Variants in WDFY4 observed in about 807,000 individuals in gnomAD.
WDFY4 encodes the protein WDFY family member 4.
WDFY4 carries 169 observed loss-of-function variants against 351.9 expected under a neutral mutation model. The observed-to-expected ratio is 0.48, with a 90% CI of 0.42 to 0.55. The LOEUF (loss-of-function observed/expected upper bound fraction) is 0.55, where lower values mean the gene tolerates loss of function less well. Among genes scored for constraint, WDFY4 ranks in the 20% least tolerant of loss-of-function variants. The pLI is 0.00. For missense variants in WDFY4, 3,803 were observed against 3,935.6 expected (o/e 0.97, Z 0.90); for synonymous variants, 1,622 against 1,574.6 (o/e 1.03, Z -0.71).
chr10:48,910,346 A>C, intron 47 of WDFY4: 1 of 1,163,114 alleles, frequency 8.6e-7, no homozygotes, highest in South Asian at 1.2e-5. Flanking sequence ...CAGCTCACCA[A>C]GGTCATGCCT....
intron 2 of WDFY4, among the ~76,000 whole-genome samples, chr10:48,716,755 A>C (rs191333141): frequency 2.0e-5 from 3 of 152,192 alleles, no homozygotes; most frequent in African/African-American, 7.2e-5. Flanking sequence ...GACGATATAG[A>C]TGCTTCTGAG....
At chr10:48,724,972 A>G (rs538254781) in intron 5 of WDFY4, among the ~76,000 whole-genome samples, 15 of 152,284 alleles carry the variant, frequency 9.9e-5, no homozygotes, top group African/African-American at 3.6e-4. Flanking sequence ...AGTGGAGTCT[A>G]TTCTGAGGGC....
intron 53 of WDFY4, among the ~76,000 whole-genome samples, chr10:48,963,369 G>A (rs1841944056): frequency 6.6e-6 from 1 of 152,190 alleles, no homozygotes; most frequent in Non-Finnish European, 1.5e-5. Context: ...GTTAAGGAAT[G>A]TGTACATGGC....
chr10:48,776,874 T>C lies in WDFY4; in HGVS notation c.2988T>C (p.Leu996=). 1 of 1,551,902 alleles carries C rather than the reference T, an allele frequency of 6.4e-7. No individual in the cohort carries two copies. The highest frequency in any genetic ancestry group is 8.7e-7 in the Non-Finnish European group (1 of 1,147,032). The change falls in exon 16 of 62, where the codon CTT becomes CTC. Residue 996 remains leucine (L), a synonymous_variant. Transcript: ENST00000325239. ...AATCCCAGGATTCAACTACTGCTCT[T>C]CAGACGGCGCTGAGCCTCATCTCCA... ...LGESQDSTTA[L]QTALSLISMT...
chr10:48,791,073 G>A (rs915543281), intron 23 of WDFY4, among the ~76,000 whole-genome samples, 156 bp downstream of exon 23: 5 of 152,216 alleles, frequency 3.3e-5, no homozygotes, highest in East Asian at 1.9e-4. Context: ...CAGCAACTTC[G>A]CAGCAGAGGA....
intron 39 of WDFY4, among the ~76,000 whole-genome samples, chr10:48,858,535 T>A (rs994899484): frequency 1.3e-5 from 2 of 152,242 alleles, no homozygotes; most frequent in African/African-American, 4.8e-5. Flanking sequence ...TATTTCTGGA[T>A]TCTCTCTTCT....
chr10:48,890,447 T>G, intron 43 of WDFY4, 132 bp from the exon 44 acceptor site: 2 of 1,085,656 alleles, frequency 1.8e-6, no homozygotes, highest in Non-Finnish European at 2.7e-6. Context: ...ACAGCGGGAC[T>G]GCCATTCATA....
chr10:48,895,081 G>C (rs1267644644), intron 44 of WDFY4, among the ~76,000 whole-genome samples: 2 of 152,226 alleles, frequency 1.3e-5, no homozygotes, highest in East Asian at 3.8e-4. Context: ...GGTCTGCAGA[G>C]AGCCTGAGTC....
At chr10:48,833,699 C>G (rs1257552195) in intron 39 of WDFY4, among the ~76,000 whole-genome samples, 1 of 152,220 alleles carries the variant, frequency 6.6e-6, no homozygotes, top group Non-Finnish European at 1.5e-5. Context: ...CCCAGGGGCA[C>G]TGACTTCTTC....
At chr10:48,822,312 G>C (rs1031664850) in intron 34 of WDFY4, 68 bp from the exon 35 acceptor site, 1 of 1,451,466 alleles carries the variant, frequency 6.9e-7, no homozygotes, top group Non-Finnish European at 9.1e-7. Context: ...CACTACAGGG[G>C]GCTTGGAGAT....
chr10:48,875,211 G>T (rs2069949588), intron 42 of WDFY4, 71 bp downstream of exon 42: 3 of 876,846 alleles, frequency 3.4e-6, no homozygotes, highest in Non-Finnish European at 4.7e-6. Context: ...TTTTATTAAA[G>T]ATATTAAATT....
chr10:48,827,700 T>C (rs1372879615), intron 36 of WDFY4, among the ~76,000 whole-genome samples: 1 of 151,122 alleles, frequency 6.6e-6, no homozygotes, highest in Non-Finnish European at 1.5e-5. Flanking sequence ...ACAAAAATTA[T>C]GTTTGATCAC....
At chr10:48,735,532 T>C (rs1463451010) in intron 10 of WDFY4, among the ~76,000 whole-genome samples, 1 of 152,172 alleles carries the variant, frequency 6.6e-6, no homozygotes, top group Non-Finnish European at 1.5e-5. Context: ...ATGACACTAT[T>C]ATTAACTTTA....
chr10:48,910,023 A>G (rs527952611), intron 47 of WDFY4: 22 of 560,694 alleles, frequency 3.9e-5, no homozygotes, highest in Non-Finnish European at 6.7e-5. Context: ...ACCACATCAA[A>G]TATTTCCCAA....
At chr10:48,874,455 A>C (rs979140924) in intron 41 of WDFY4, among the ~76,000 whole-genome samples, 5 of 152,166 alleles carry the variant, frequency 3.3e-5, no homozygotes, top group Non-Finnish European at 7.4e-5. Context: ...CATTCATCAC[A>C]AGTAACAATG....
chr10:48,966,582 G>T lies in WDFY4; in HGVS notation c.8493G>T (p.Lys2831Asn). ...CAGCAGGGAAGCCTCTGCCTGGAAA[G>T]GATGTCTCCACCCCCGTGAGCCTGC... The part of the protein sequence containing the change: ...RTAAGKPLPG[K>N]DVSTPVSLPG... Residue 2831 changes from lysine to asparagine, a missense_variant, in exon 55 of 62, where the codon AAG becomes AAT. By Grantham distance (94) the Lys-to-Asn change is moderately conservative. Around this residue, in one of 3 missense-constraint regions of WDFY4, gnomAD observed 3,054 missense variants for 3,148.6 expected, o/e 0.97. Coordinates refer to ENST00000325239, the MANE Select transcript of WDFY4 (RefSeq NM_001394531.1). 2 of 1,552,116 alleles carry T rather than the reference G, an allele frequency of 1.3e-6. No individual in the cohort carries two copies. The highest frequency in any genetic ancestry group is 8.7e-7 in the Non-Finnish European group (1 of 1,147,076).
chr10:48,808,021 C>G, intron 28 of WDFY4, 63 bp downstream of exon 28: 1 of 1,332,852 alleles, frequency 7.5e-7, no homozygotes, highest in Non-Finnish European at 9.9e-7. Context: ...TGGCATTAAA[C>G]CTTTTCTTAA....
chr10:48,770,634 G>A (rs1170714303), intron 13 of WDFY4, among the ~76,000 whole-genome samples: 1 of 152,248 alleles, frequency 6.6e-6, no homozygotes, highest in Admixed American at 6.5e-5. Context: ...AAGGAAGAGA[G>A]AGTTGGAGCC....
chr10:48,971,170 T>C (rs1478271040), intron 57 of WDFY4, among the ~76,000 whole-genome samples: 2 of 152,166 alleles, frequency 1.3e-5, no homozygotes, highest in Non-Finnish European at 2.9e-5. Context: ...TCTGCATCTA[T>C]TTTTTAGTTA....
Sources: allele counts gnomAD v4.1 joint callset (sites outside exome capture counted in the v4.1 genomes callset), GRCh38; gene constraint gnomAD v4.1.1; regional missense constraint gnomAD v4.1.1; transcripts MANE v1.5; gene names NCBI Gene and HGNC (gene_info 2026-07-23, HGNC 2026-07-21).